The following HNRNPUL1 variants were observed in gnomAD, a reference collection of about 807,000 sequenced individuals.
HNRNPUL1 encodes heterogeneous nuclear ribonucleoprotein U-like protein 1.
Under a neutral mutation model 108.5 loss-of-function variants are expected in HNRNPUL1, and 14 were observed. The ratio of observed to expected loss-of-function variants is 0.13; its 90% CI spans 0.09 to 0.20. The LOEUF is 0.20. HNRNPUL1 is among the 10% of genes least tolerant of loss of function. The pLI is 1.00. For missense variants in HNRNPUL1, 804 were observed against 1,168.3 expected (o/e 0.69, Z 4.55); for synonymous variants, 422 against 445.2 (o/e 0.95, Z 0.66).
At chr19:41,280,507 A>G (rs1013168502) in intron 6 of HNRNPUL1, among the ~76,000 whole-genome samples, 2 of 152,162 alleles carry the variant, frequency 1.3e-5, no homozygotes, top group Admixed American at 1.3e-4. Flanking sequence ...GGCAGTTGAT[A>G]GGGATGGGGA....
chr19:41,279,030 C>T (rs771875842), intron 5 of HNRNPUL1, 47 bp from the exon 6 acceptor site: 38 of 1,329,544 alleles, frequency 2.9e-5, no homozygotes, highest in South Asian at 3.5e-5. Flanking sequence ...TCATAACCTA[C>T]GGCCTCCAGA....
At chr19:41,276,360 C>T in intron 5 of HNRNPUL1, 62 bp downstream of exon 5, 1 of 1,526,484 alleles carries the variant, frequency 6.6e-7, no homozygotes, top group Non-Finnish European at 8.8e-7. Flanking sequence ...TATCCTGATA[C>T]CAGCCACCTT....
chr19:41,274,457 T>A (rs2035428091), intron 4 of HNRNPUL1, among the ~76,000 whole-genome samples: 1 of 152,168 alleles, frequency 6.6e-6, no homozygotes, highest in Non-Finnish European at 1.5e-5. Context: ...GACAACCAGT[T>A]CCCGTTTCCA....
chr19:41,262,976 G>A (rs939641220), upstream of HNRNPUL1: 13 of 146,002 alleles, frequency 8.9e-5, no homozygotes, highest in Non-Finnish European at 1.5e-4. Flanking sequence ...GGAGGCGGAG[G>A]TTGCGGTGAG....
At chr19:41,301,081 A>G (rs1333814943) in intron 10 of HNRNPUL1, among the ~76,000 whole-genome samples, 1 of 152,228 alleles carries the variant, frequency 6.6e-6, no homozygotes, top group Admixed American at 6.5e-5. Flanking sequence ...TTTTGTGTAA[A>G]AAAATCACAT....
chr19:41,271,412 G>A (rs1001913988), intron 2 of HNRNPUL1, among the ~76,000 whole-genome samples: 1 of 152,212 alleles, frequency 6.6e-6, no homozygotes, highest in African/African-American at 2.4e-5. Context: ...AGAGAACCAG[G>A]AGACTTTTCT....
rs781105837 is a variant in HNRNPUL1, at chr19:41,294,428, C to T, written c.1357C>T (p.Leu453=). ...CAACCCTTCCAAGAAGTACAACATC[C>T]TGGGTACCAATGCCATCATGGATAA... The part of the protein sequence containing the change: ...ASNPSKKYNI[L]GTNAIMDKMR... Residue 453 remains leucine (L), a synonymous_variant, in exon 9 of 15, where the codon CTG becomes TTG. Transcript: ENST00000392006. The surrounding 1 kb of genome is among the most constrained non-coding windows in gnomAD (Gnocchi z 4.3). 6.2e-7 allele frequency: 1 copy of T among 1,614,196 alleles called. No homozygotes were observed. The highest frequency in any genetic ancestry group is 8.5e-7 in the Non-Finnish European group (1 of 1,180,022).
At chr19:41,286,178 CTT>C (rs1050052816) in intron 7 of HNRNPUL1, among the ~76,000 whole-genome samples, 2 of 150,450 alleles carry the variant, frequency 1.3e-5, no homozygotes, top group African/African-American at 4.9e-5. Context: ...ACATACCTAA[CTT>C]TTCCTTTTTT....
intron 1 of HNRNPUL1, 71 bp from the exon 2 acceptor site, chr19:41,268,152 T>G (rs1010249004): frequency 6.5e-7 from 1 of 1,535,328 alleles, no homozygotes; most frequent in Non-Finnish European, 8.9e-7. Flanking sequence ...TGCAGATGCC[T>G]TCTGGATGCT....
chr19:41,283,399 G>A (rs2036021871), intron 7 of HNRNPUL1, among the ~76,000 whole-genome samples: 1 of 152,198 alleles, frequency 6.6e-6, no homozygotes, highest in Non-Finnish European at 1.5e-5. Context: ...TTGTGCCTCA[G>A]CCACCCGAAT....
At chr19:41,271,646 C>A (rs1387520797) in intron 2 of HNRNPUL1, among the ~76,000 whole-genome samples, 1 of 152,180 alleles carries the variant, frequency 6.6e-6, no homozygotes, top group East Asian at 1.9e-4. Flanking sequence ...CCCATCCTGA[C>A]TTTCTGTTAA....
rs762568623 is a variant in HNRNPUL1 at position 41,294,500 on chromosome 19, C to G, written c.1389+40C>G. The G allele has an allele frequency of 1.9e-6, 3 of 1,613,970 alleles. No homozygotes were observed. The highest frequency in any genetic ancestry group is 3.3e-4 in the Middle Eastern group (2 of 6,058). On this transcript the variant is annotated intron_variant, in intron 9 of 14. Transcript: ENST00000392006. This position sits in a 1 kb window ranked among gnomAD's most constrained non-coding sequence, Gnocchi z 4.3. ...TGGACTCTCCTTACTCACCTCCAAC[C>G]TACTGAGTGCTGCCCTGCAACTAAA...
intron 7 of HNRNPUL1, among the ~76,000 whole-genome samples, chr19:41,287,604 A>G (rs569261545): frequency 1.1e-4 from 16 of 151,780 alleles, no homozygotes; most frequent in East Asian, 9.8e-4. Flanking sequence ...CTGTCACCCA[A>G]TCTGGAGTGC....
intron 3 of HNRNPUL1, among the ~76,000 whole-genome samples, 194 bp from the exon 4 acceptor site, chr19:41,273,788 C>T (rs1292912245): frequency 2.6e-5 from 4 of 152,178 alleles, no homozygotes; most frequent in East Asian, 1.9e-4. Context: ...CTGTCTCCAC[C>T]GTAGGAGTTG....
chr19:41,264,863 G>A, intron 1 of HNRNPUL1, 65 bp downstream of exon 1: 1 of 1,346,808 alleles, frequency 7.4e-7, no homozygotes, highest in South Asian at 1.9e-5. Context: ...GCTGTGGGAC[G>A]CGGGAGTCCA....
At position 41,264,741 on chromosome 19, in the gene HNRNPUL1, C is replaced by T. The variant is rs2034703402; in HGVS notation, c.238C>T (p.Pro80Ser). 7.1e-7 allele frequency: 1 copy of T among 1,402,586 alleles called. No homozygotes were observed. Among genetic ancestry groups the T allele is most frequent in the East Asian group, 2.8e-5 (1 of 35,510 alleles). The allele number at this position is 1,402,586 out of a possible 1,614,324, so 86.9% of individuals were successfully genotyped here. A position where few individuals can be genotyped will look rare whatever the true frequency, so the allele number is the denominator to read the frequency against. ...GCTGGAGGGGACCGCGCAGCCACCGCCGCCCGGGCTGCAGCCGCACGCGGA... is the reference window on the plus strand; with the variant it reads ...GCTGGAGGGGACCGCGCAGCCACCGTCGCCCGGGCTGCAGCCGCACGCGGA... ...SELEGTAQPPPPGLQPHAEPG... is the reference protein window; with the variant it reads ...SELEGTAQPPSPGLQPHAEPG... The change falls in exon 1 of 15, where the codon CCG (proline) becomes TCG (serine). Residue 80 changes from proline to serine, a missense_variant. By Grantham distance (74) the Pro-to-Ser change is moderately conservative (BLOSUM62 -1). Coordinates refer to ENST00000392006, the MANE Select transcript of HNRNPUL1 (RefSeq NM_007040.6).
intron 5 of HNRNPUL1, 66 bp from the exon 6 acceptor site, chr19:41,279,011 T>C: frequency 9.3e-7 from 1 of 1,072,910 alleles, no homozygotes; most frequent in Non-Finnish European, 1.4e-6. Flanking sequence ...GCTTCCCTCC[T>C]ATATTGGCTC....
intron 12 of HNRNPUL1, among the ~76,000 whole-genome samples, chr19:41,303,454 A>G (rs948787505): frequency 2.0e-5 from 3 of 150,334 alleles, no homozygotes; most frequent in Middle Eastern, 3.4e-3. Context: ...CCCGGCATTC[A>G]AGCGATTCTC....
Position 41,302,845 on chromosome 19 carries a change from G to A in HNRNPUL1, c.1868G>A (p.Gly623Asp). The A allele has an allele frequency of 1.3e-6, 2 of 1,590,878 alleles. No homozygotes were observed. The highest frequency in any genetic ancestry group is 1.7e-6 in the Non-Finnish European group (2 of 1,166,640). ...GGTGGCTTCCGGGGCCGCGGGGGTG[G>A]TGGTGGCTTCCAGCGCTATGAAAAC... ...GGGGFRGRGGGGGFQRYENRG... is the reference protein window; with the variant it reads ...GGGGFRGRGGDGGFQRYENRG... Residue 623 changes from glycine to aspartate, a missense_variant, in exon 12 of 15, where the codon GGT becomes GAT. Around this residue, in one of 4 missense-constraint regions of HNRNPUL1, gnomAD observed 294 missense variants for 388.3 expected, o/e 0.76. Coordinates refer to ENST00000392006, the MANE Select transcript of HNRNPUL1 (RefSeq NM_007040.6).
Sources: gnomAD v4.1 joint callset for allele counts (sites outside exome capture counted in the v4.1 genomes callset) on GRCh38, gnomAD v4.1.1 for gene constraint, gnomAD v4.1.1 regional missense constraint, Gnocchi (gnomAD v3.1) non-coding constraint, MANE v1.5 for transcripts, NCBI Gene and HGNC (gene_info 2026-07-23, HGNC 2026-07-21) for gene names.